The following GPBP1L1 variants were observed in gnomAD, a reference collection of about 807,000 sequenced individuals.
The protein encoded by GPBP1L1 is vasculin-like protein 1.
In GPBP1L1, 23 loss-of-function variants were observed where a neutral mutation model predicts 52.5. The ratio of observed to expected loss-of-function variants is 0.44; its 90% CI spans 0.32 to 0.62. The LOEUF (loss-of-function observed/expected upper bound fraction) is 0.62. GPBP1L1 is among the 20% of genes least tolerant of loss of function. GPBP1L1 has a pLI of 0.06. For missense variants in GPBP1L1, 596 were observed against 579.3 expected, an observed-to-expected ratio of 1.03 and a Z score of -0.30; for synonymous variants, 243 against 203.1, an observed-to-expected ratio of 1.20 and a Z score of -1.67.
intron 6 of GPBP1L1, among the ~76,000 whole-genome samples, chr1:45,648,581 T>C (rs1412602946): frequency 6.6e-6 from 1 of 152,254 alleles, no homozygotes; most frequent in Non-Finnish European, 1.5e-5. Context: ...AATGCTAGTA[T>C]TAACCAAGCC....
chr1:45,666,250 A>T lies in GPBP1L1; in HGVS notation c.-1097-5025T>A, dbSNP rs193035548. Among the ~76,000 whole-genome samples the T allele has an allele frequency of 6.2e-3, 937 of 151,110 alleles. 6 individuals are homozygous for T. Among genetic ancestry groups the T allele is most frequent in the African/African-American group, 0.022 (904 of 41,318 alleles). On this transcript the variant is annotated intron_variant, in intron 2 of 12. Coordinates refer to ENST00000355105, the MANE Select transcript of GPBP1L1 (RefSeq NM_021639.5). ...CTCCATCCCCCAGGAGAATCAAGCA[A>T]TTCTCCTGTCTCAGCCTCCCAAGTA...
intron 3 of GPBP1L1, among the ~76,000 whole-genome samples, chr1:45,659,577 A>G (rs571513063): frequency 6.6e-6 from 1 of 152,354 alleles, no homozygotes; most frequent in African/African-American, 2.4e-5. Flanking sequence ...ACATCTATTT[A>G]AAACCACAGA....
chr1:45,631,901 C>A (rs141191833), intron 10 of GPBP1L1, among the ~76,000 whole-genome samples: 4 of 151,948 alleles, frequency 2.6e-5, no homozygotes, highest in Non-Finnish European at 5.9e-5. Flanking sequence ...TCAGCCTGGG[C>A]GACAGAGTGA....
chr1:45,677,216 G>T (rs1275207743), intron 2 of GPBP1L1, among the ~76,000 whole-genome samples: 1 of 151,664 alleles, frequency 6.6e-6, no homozygotes, highest in Non-Finnish European at 1.5e-5. Context: ...CATGCCTGTA[G>T]TCCCAGCTAC....
intron 8 of GPBP1L1, among the ~76,000 whole-genome samples, chr1:45,639,607 C>T (rs1382010671): frequency 2.0e-5 from 3 of 148,254 alleles, no homozygotes; most frequent in African/African-American, 5.0e-5. Context: ...CTGGGCGTGG[C>T]GGCTCACGCC....
At chr1:45,684,390 C>A (rs1207395818) in intron 2 of GPBP1L1, among the ~76,000 whole-genome samples, 1 of 151,950 alleles carries the variant, frequency 6.6e-6, no homozygotes, top group Admixed American at 6.6e-5. Context: ...GATATGCAAT[C>A]TTCTGAAGTA....
rs1644477044 is a variant in GPBP1L1, at chr1:45,627,945, T to C, written c.*311A>G. 1 of 215,196 alleles carries C rather than the reference T, an allele frequency of 4.6e-6. No individual in the cohort carries two copies. Among genetic ancestry groups the C allele is most frequent in the Admixed American group, 5.5e-5 (1 of 18,100 alleles). 13.3% of individuals were successfully genotyped at this position (215,196 alleles called of 1,614,324 possible). A position where few individuals can be genotyped will look rare whatever the true frequency, so the allele number is the denominator to read the frequency against. On this transcript the variant is annotated 3_prime_UTR_variant, in exon 13 of 13. Coordinates refer to ENST00000355105, the MANE Select transcript of GPBP1L1 (RefSeq NM_021639.5). ...TAGAAGCTGTTGCTGCAGACCAGTGTCTCCTCTTCCCTGCACTGCCAGCTC... is the reference window on the plus strand; with the variant it reads ...TAGAAGCTGTTGCTGCAGACCAGTGCCTCCTCTTCCCTGCACTGCCAGCTC...
intron 6 of GPBP1L1, among the ~76,000 whole-genome samples, chr1:45,644,584 TC>T (rs1435371162): frequency 1.3e-5 from 2 of 152,048 alleles, no homozygotes; most frequent in Non-Finnish European, 2.9e-5. Flanking sequence ...ACCCATTGTG[TC>T]TCCCTTGACA....
At chr1:45,646,242 C>A in intron 6 of GPBP1L1, 1 of 236,518 alleles carries the variant, frequency 4.2e-6, no homozygotes, top group South Asian at 4.6e-5. Flanking sequence ...ATTCCAAGTA[C>A]TTACACATTG....
intron 6 of GPBP1L1, chr1:45,651,549 G>C: frequency 1.8e-6 from 1 of 566,650 alleles, no homozygotes; most frequent in South Asian, 1.8e-5. Context: ...TTAAGTAGCT[G>C]AGTAGCTGTT....
chr1:45,644,416 AAATG>A (rs1277829474), intron 6 of GPBP1L1, among the ~76,000 whole-genome samples: 1 of 152,238 alleles, frequency 6.6e-6, no homozygotes, highest in Non-Finnish European at 1.5e-5. Flanking sequence ...AATATAAAAC[AAATG>A]AATAAGTTAA....
chr1:45,672,971 G>A (rs1313057145), intron 2 of GPBP1L1, among the ~76,000 whole-genome samples: 2 of 152,228 alleles, frequency 1.3e-5, no homozygotes, highest in East Asian at 3.8e-4. Context: ...ACTCTTTTGA[G>A]AAGTGTTGCT....
chr1:45,679,891 CAA>C (rs61208985), intron 2 of GPBP1L1, among the ~76,000 whole-genome samples: 9,942 of 88,024 alleles, frequency 0.11, 426 homozygotes, highest in Non-Finnish European at 0.15. Flanking sequence ...CTTATCTATA[CAA>C]AAAAAAAAAA....
chr1:45,653,492 A>T (rs1429610649), intron 6 of GPBP1L1, among the ~76,000 whole-genome samples: 2 of 152,012 alleles, frequency 1.3e-5, no homozygotes, highest in African/African-American at 2.4e-5. Flanking sequence ...AGTGGCTGGG[A>T]CCGCAGACAT....
intron 2 of GPBP1L1, among the ~76,000 whole-genome samples, chr1:45,663,181 G>A (rs1184050846): frequency 6.6e-6 from 1 of 152,006 alleles, no homozygotes; most frequent in Non-Finnish European, 1.5e-5. Flanking sequence ...GCATCCATAT[G>A]GAAAAGATAT....
At chr1:45,635,258 T>C (rs1038127061) in intron 8 of GPBP1L1, 1 of 152,140 alleles carries the variant, frequency 6.6e-6, no homozygotes, top group African/African-American at 2.4e-5. Flanking sequence ...AAACCACCTT[T>C]CCACTATCCC....
rs1355741285 is a variant in GPBP1L1, at chr1:45,659,190, C to A, written c.-55-48G>T. On this transcript the variant is annotated intron_variant, in intron 3 of 12. Transcript: ENST00000355105. Reference sequence around the variant, plus strand: ...CACTTATGTTTACAAGAATCTGATACCAATGTGTAAAGGAATCTGTAATTA... The same window carrying A: ...CACTTATGTTTACAAGAATCTGATAACAATGTGTAAAGGAATCTGTAATTA... The A allele has an allele frequency of 9.1e-6, 10 of 1,094,194 alleles. No homozygotes were observed. In the East Asian group the frequency reaches 1.9e-4, roughly 21 times the overall value. The allele number at this position is 1,094,194 out of a possible 1,614,324, so 67.8% of individuals were successfully genotyped here. A position where few individuals can be genotyped will look rare whatever the true frequency, so the allele number is the denominator to read the frequency against.
rs748125183 is a variant in GPBP1L1, at chr1:45,654,804, G to C, written c.216C>G (p.Phe72Leu). ...AGDSWHQPSL[F>L]RHDSVDSGVS... Reference sequence around the variant, plus strand: ...CACCAGAGTCCACAGAATCATGGCGGAACAGGGAGGGCTGGTGCCAAGAAT... The same window carrying C: ...CACCAGAGTCCACAGAATCATGGCGCAACAGGGAGGGCTGGTGCCAAGAAT... Residue 72 changes from phenylalanine (F) to leucine (L), a missense_variant, in exon 6 of 13, where the codon TTC becomes TTG. Transcript: ENST00000355105. 5 of 1,614,076 alleles carry C rather than the reference G, an allele frequency of 3.1e-6. No homozygotes were observed. Among genetic ancestry groups the C allele is most frequent in the East Asian group, 4.5e-5 (2 of 44,882 alleles).
intron 2 of GPBP1L1, among the ~76,000 whole-genome samples, chr1:45,677,124 T>C (rs1197795037): frequency 1.3e-5 from 2 of 151,606 alleles, no homozygotes; most frequent in Admixed American, 1.3e-4. Context: ...TCACTTCAGG[T>C]CAGGAGTTTG....
Sources: gnomAD v4.1 joint callset for allele counts (sites outside exome capture counted in the v4.1 genomes callset) on GRCh38, gnomAD v4.1.1 for gene constraint, MANE v1.5 for transcripts, NCBI Gene and HGNC (gene_info 2026-07-23, HGNC 2026-07-21) for gene names.